The following LRRC23 variants were observed in gnomAD, a reference collection of about 807,000 sequenced individuals.
LRRC23 encodes leucine-rich repeat-containing protein 23.
In LRRC23, 28 loss-of-function variants were observed where a neutral mutation model predicts 37.7. The ratio of observed to expected loss-of-function variants is 0.74; its 90% CI spans 0.55 to 1.02. LRRC23 has a LOEUF of 1.02. Among genes scored for constraint, LRRC23 ranks in the 50% least tolerant of loss-of-function variants. LRRC23 has a pLI of 0.00. For missense variants in LRRC23, 377 were observed against 413.2 expected, an observed-to-expected ratio of 0.91 and a Z score of 0.76; for synonymous variants, 161 against 165.4, an observed-to-expected ratio of 0.97 and a Z score of 0.20.
chr12:6,907,407 C>T lies in LRRC23; in HGVS notation c.583C>T (p.Leu195=), dbSNP rs781896292. 6.2e-6 allele frequency: 10 copies of T among 1,614,010 alleles called. No individual in the cohort carries two copies. In the South Asian group the frequency reaches 1.1e-4, roughly 18 times the overall value. The change falls in exon 5 of 8, where the codon CTG becomes TTG. Residue 195 remains leucine (L), a synonymous_variant. Transcript: ENST00000443597. The part of the protein sequence containing the change: ...ELRGNQLEST[L]GINLPKLKNL... ...TCGGGGGAACCAGCTGGAAAGCACCCTGGGAATCAATCTTCCTAAGCTGAA... is the reference window on the plus strand; with the variant it reads ...TCGGGGGAACCAGCTGGAAAGCACCTTGGGAATCAATCTTCCTAAGCTGAA...
intron 5 of LRRC23, among the ~76,000 whole-genome samples, chr12:6,908,780 C>T (rs782697868): frequency 1.5e-3 from 219 of 146,610 alleles, no homozygotes; most frequent in African/African-American, 5.2e-3. Context: ...GCCGAGATTG[C>T]GCCACTGCAC....
chr12:6,912,212 C>T (rs1472410073), intron 6 of LRRC23, among the ~76,000 whole-genome samples: 6 of 152,190 alleles, frequency 3.9e-5, no homozygotes, highest in South Asian at 2.1e-4. Context: ...TGCAGTGGCT[C>T]GATCTCGGCT....
At position 6,905,864 on chromosome 12, in the gene LRRC23, C is replaced by G; in HGVS notation, c.146C>G (p.Thr49Arg). 6.2e-7 allele frequency: 1 copy of G among 1,613,918 alleles called. No individual in the cohort carries two copies. The highest frequency in any genetic ancestry group is 1.3e-5 in the African/African-American group (1 of 74,932). Residue 49 changes from threonine (T) to arginine (R), a missense_variant, in exon 3 of 8, where the codon ACG (threonine) becomes AGG (arginine). Around this residue, in one of 3 missense-constraint regions of LRRC23, gnomAD observed 106 missense variants for 105.9 expected, o/e 1.00. Transcript: ENST00000443597. ...FPEEWLPTPLTEDMMKEGLSL... is the reference protein window; with the variant it reads ...FPEEWLPTPLREDMMKEGLSL... The stretch of plus-strand genomic sequence containing the variant: ...CTGCAGTGGCTGCCCACCCCCCTCA[C>G]GGAGGACATGATGAAGGAAGGGCTT...
intron 5 of LRRC23, among the ~76,000 whole-genome samples, chr12:6,909,150 T>A (rs1415150638): frequency 6.7e-4 from 3 of 4,468 alleles, no homozygotes; most frequent in Non-Finnish European, 9.1e-4. Context: ...TATTATATAT[T>A]ATATATTATA....
intron 6 of LRRC23, 141 bp from the exon 7 acceptor site, chr12:6,912,589 T>C: frequency 2.6e-6 from 2 of 766,010 alleles, no homozygotes; most frequent in Non-Finnish European, 4.3e-6. Context: ...CTGCAGTAAA[T>C]CTGGCAAGGC....
chr12:6,913,914 G>A lies in LRRC23; in HGVS notation c.*48G>A. On this transcript the variant is annotated 3_prime_UTR_variant, in exon 8 of 8. Transcript: ENST00000443597. ...AGGAGATCAAAGACGCTGGCCTTCA[G>A]ACCTGATCAGACTCCCAGGGGCAGC... 1 of 1,606,590 alleles carries A rather than the reference G, an allele frequency of 6.2e-7. No individual in the cohort carries two copies.
rs782425495 is a variant in LRRC23, at chr12:6,913,902, C to G, written c.*36C>G. On this transcript the variant is annotated 3_prime_UTR_variant, in exon 8 of 8. Coordinates refer to ENST00000443597, the MANE Select transcript of LRRC23 (RefSeq NM_001135217.2). ...TCTTCTACCTCCAGGAGATCAAAGA[C>G]GCTGGCCTTCAGACCTGATCAGACT... 4 of 1,591,838 alleles carry G rather than the reference C, an allele frequency of 2.5e-6. 1 individual carries two copies. The South Asian group carries it at 4.6e-5, about 18-fold the overall frequency.
chr12:6,908,621 C>CAAAAAAAAAAA (rs1565552985), intron 5 of LRRC23, among the ~76,000 whole-genome samples: 3 of 39,062 alleles, frequency 7.7e-5, no homozygotes, highest in African/African-American at 2.8e-4. Flanking sequence ...AAAAAAAAAA[C>CAAAAAAAAAAA]CAAAGAAAAA....
chr12:6,913,488 A>G (rs1320047699), intron 7 of LRRC23, among the ~76,000 whole-genome samples: 1 of 149,144 alleles, frequency 6.7e-6, no homozygotes, highest in Non-Finnish European at 1.5e-5. Flanking sequence ...AGGCAAAAAG[A>G]GACTGAAGAG....
intron 5 of LRRC23, 150 bp downstream of exon 5, chr12:6,907,595 GGAGA>G: frequency 7.4e-6 from 6 of 806,680 alleles, no homozygotes; most frequent in Non-Finnish European, 1.3e-5. Flanking sequence ...CAGATGCTGT[GGAGA>G]TACACAGCCA....
intron 6 of LRRC23, 102 bp from the exon 7 acceptor site, chr12:6,912,628 A>T: frequency 9.5e-7 from 1 of 1,055,194 alleles, no homozygotes. Flanking sequence ...CAGTGTTTCT[A>T]GGGACACTGG....
intron 1 of LRRC23, 82 bp from the exon 2 acceptor site, chr12:6,905,503 A>G: frequency 1.2e-6 from 1 of 830,146 alleles, no homozygotes; most frequent in Non-Finnish European, 2.0e-6. Context: ...GTCAGAAGTC[A>G]TGGGGGTGAT....
chr12:6,907,745 G>A, intron 5 of LRRC23: 3 of 573,194 alleles, frequency 5.2e-6, no homozygotes, highest in Non-Finnish European at 9.4e-6. Context: ...CCTCCTCTCA[G>A]ACTGGGTTTT....
chr12:6,905,814 G>C (rs1259616515), intron 2 of LRRC23, 31 bp from the exon 3 acceptor site: 5 of 1,613,436 alleles, frequency 3.1e-6, no homozygotes, highest in Non-Finnish European at 4.2e-6. Context: ...TTGGGCAGGG[G>C]AGAGACACCT....
chr12:6,908,823 C>CAAA (rs34675493), intron 5 of LRRC23, among the ~76,000 whole-genome samples: 7 of 119,100 alleles, frequency 5.9e-5, no homozygotes, highest in African/African-American at 1.9e-4. Context: ...GACTCTGTTT[C>CAAA]AAAAAAAAAA....
chr12:6,912,891 A>C lies in LRRC23; in HGVS notation c.920A>C (p.Tyr307Ser). 1.2e-6 allele frequency: 2 copies of C among 1,614,150 alleles called. No individual in the cohort carries two copies. The highest frequency in any genetic ancestry group is 1.7e-6 in the Non-Finnish European group (2 of 1,180,024). ...PYLERLDKEFYEEEERAEADV... is the reference protein window; with the variant it reads ...PYLERLDKEFSEEEERAEADV... Reference sequence around the variant, plus strand: ...CTTGAACGCCTGGACAAGGAATTCTATGAGGAGGAGGAACGGGCTGAGGCT... The same window carrying C: ...CTTGAACGCCTGGACAAGGAATTCTCTGAGGAGGAGGAACGGGCTGAGGCT... Residue 307 changes from tyrosine (Y) to serine (S), a missense_variant, in exon 7 of 8, where the codon TAT becomes TCT. Physicochemically the swap from Tyr to Ser is moderately radical, Grantham distance 144. Coordinates refer to ENST00000443597, the MANE Select transcript of LRRC23 (RefSeq NM_001135217.2).
At chr12:6,907,522 C>T in intron 5 of LRRC23, 77 bp downstream of exon 5, 1 of 1,403,852 alleles carries the variant, frequency 7.1e-7, no homozygotes, top group Non-Finnish European at 1.0e-6. Context: ...TTCTAGTAGG[C>T]TCAGCTACTA....
Position 6,909,967 on chromosome 12 carries a change from G to A in LRRC23, c.699G>A (p.Gln233=), listed in dbSNP as rs1025079155. The A allele has an allele frequency of 6.2e-7, 1 of 1,613,788 alleles. No homozygotes were observed. The highest frequency in any genetic ancestry group is 1.3e-5 in the African/African-American group (1 of 74,872). The change falls in exon 6 of 8, where the codon CAG becomes CAA. Residue 233 remains glutamine, a synonymous_variant. Coordinates refer to ENST00000443597, the MANE Select transcript of LRRC23 (RefSeq NM_001135217.2). ...CCACCTTGCATCTTCGAGACAACCA[G>A]ATTGACACCCTGAGTGGCTTCTCCA... ...NLTTLHLRDN[Q]IDTLSGFSRE... is the part of the protein sequence containing the mutation.
chr12:6,912,561 C>A (rs1259011165), intron 6 of LRRC23, among the ~76,000 whole-genome samples, 169 bp from the exon 7 acceptor site: 2 of 152,102 alleles, frequency 1.3e-5, no homozygotes, highest in African/African-American at 4.8e-5. Flanking sequence ...AGGACCAGAG[C>A]GGGGTCACAC....
Sources: allele counts gnomAD v4.1 joint callset (sites outside exome capture counted in the v4.1 genomes callset), GRCh38; gene constraint gnomAD v4.1.1; regional missense constraint gnomAD v4.1.1; transcripts MANE v1.5; gene names NCBI Gene and HGNC (gene_info 2026-07-23, HGNC 2026-07-21).